Variants in TMTC1 observed in about 807,000 individuals in gnomAD.
The protein encoded by TMTC1 is protein O-mannosyl-transferase TMTC1.
A neutral mutation model predicts 104.8 loss-of-function variants in TMTC1; 73 were observed. The ratio of observed to expected loss-of-function variants is 0.70; its 90% CI spans 0.58 to 0.85. The LOEUF is 0.85. Among genes scored for constraint, TMTC1 ranks in the 40% least tolerant of loss-of-function variants. The pLI is 0.00. For synonymous variants in TMTC1, 434 were observed against 428.7 expected (o/e 1.01, Z -0.15); for missense variants, 1,035 against 1,096.1 (o/e 0.94, Z 0.79).
intron 5 of TMTC1, among the ~76,000 whole-genome samples, chr12:29,656,926 A>G (rs1273188834): frequency 6.6e-6 from 1 of 152,228 alleles, no homozygotes; most frequent in African/African-American, 2.4e-5. Flanking sequence ...TGTTACAGCT[A>G]GGACAGCTGT....
At position 29,502,289 on chromosome 12, in the gene TMTC1, C is replaced by T. The variant is rs914477923; in HGVS notation, c.*4557G>A. ...TTTTGAATGTCATTCCTAATATCCT[C>T]TAAATTTATTATTTTAAGAAGGTGA... is the stretch of plus-strand genomic sequence containing the variant. On this transcript the variant is annotated 3_prime_UTR_variant, in exon 18 of 18. Coordinates refer to ENST00000539277, the MANE Select transcript of TMTC1 (RefSeq NM_001193451.2). 10 of 150,370 alleles carry T rather than the reference C, an allele frequency of 6.7e-5. No homozygotes were observed. The highest frequency in any genetic ancestry group is 1.3e-4 in the Non-Finnish European group (9 of 67,788). The allele number at this position is 150,370 out of a possible 1,614,324, so 9.3% of individuals were successfully genotyped here. A position where few individuals can be genotyped will look rare whatever the true frequency, so the allele number is the denominator to read the frequency against.
chr12:29,766,789 C>T (rs1157351014), intron 2 of TMTC1, among the ~76,000 whole-genome samples: 1 of 152,142 alleles, frequency 6.6e-6, no homozygotes, highest in Non-Finnish European at 1.5e-5. Flanking sequence ...TCTTGTAAAA[C>T]TGTGGTGCCC....
At chr12:29,632,775 T>C (rs1383843718) in intron 6 of TMTC1, among the ~76,000 whole-genome samples, 1 of 152,200 alleles carries the variant, frequency 6.6e-6, no homozygotes, top group Non-Finnish European at 1.5e-5. Flanking sequence ...GTGGGAGAAA[T>C]CATCCAACTA....
chr12:29,640,409 C>G (rs1938782827), intron 5 of TMTC1, among the ~76,000 whole-genome samples: 1 of 152,078 alleles, frequency 6.6e-6, no homozygotes, highest in East Asian at 1.9e-4. Flanking sequence ...CAAGAGGACC[C>G]ACAGACCCTC....
chr12:29,706,140 C>T (rs1486318065), intron 5 of TMTC1, among the ~76,000 whole-genome samples: 3 of 152,124 alleles, frequency 2.0e-5, no homozygotes, highest in Non-Finnish European at 4.4e-5. Context: ...CGGAATTTTA[C>T]CATGCTGCAC....
At chr12:29,617,536 C>G (rs1219128955) in intron 6 of TMTC1, among the ~76,000 whole-genome samples, 4 of 134,942 alleles carry the variant, frequency 3.0e-5, no homozygotes, top group East Asian at 2.1e-4. Context: ...AAACAGACAA[C>G]AGAGAGAGAG....
At chr12:29,573,694 C>T (rs1214050947) in intron 8 of TMTC1, among the ~76,000 whole-genome samples, 1 of 152,020 alleles carries the variant, frequency 6.6e-6, no homozygotes, top group African/African-American at 2.4e-5. Context: ...AGCAGGAGGT[C>T]CTATGCAGAG....
chr12:29,778,629 A>C (rs1015330767), intron 1 of TMTC1, among the ~76,000 whole-genome samples: 1 of 152,264 alleles, frequency 6.6e-6, no homozygotes, highest in Non-Finnish European at 1.5e-5. Flanking sequence ...ATATTCTTGC[A>C]TGCCCTTGGG....
chr12:29,638,659 C>T (rs146840600), intron 5 of TMTC1, among the ~76,000 whole-genome samples: 1 of 152,316 alleles, frequency 6.6e-6, no homozygotes, highest in East Asian at 1.9e-4. Context: ...CAGCTGTAAA[C>T]ACTCAACCCT....
chr12:29,715,613 T>C (rs1378437138), intron 5 of TMTC1, among the ~76,000 whole-genome samples: 1 of 152,210 alleles, frequency 6.6e-6, no homozygotes, highest in Non-Finnish European at 1.5e-5. Context: ...GTAACATTTA[T>C]ATTAGCTTGG....
intron 6 of TMTC1, among the ~76,000 whole-genome samples, chr12:29,613,395 G>C (rs185485680): frequency 3.3e-5 from 5 of 152,320 alleles, no homozygotes; most frequent in Admixed American, 2.6e-4. Flanking sequence ...CTGGGAACCT[G>C]TCTGAGGAGG....
At chr12:29,518,964 C>T (rs1944070775) in intron 12 of TMTC1, among the ~76,000 whole-genome samples, 1 of 152,168 alleles carries the variant, frequency 6.6e-6, no homozygotes, top group African/African-American at 2.4e-5. Flanking sequence ...AACTGGCTCT[C>T]ATTATATAAA....
intron 5 of TMTC1, among the ~76,000 whole-genome samples, chr12:29,665,382 TC>T (rs1027180691): frequency 6.6e-6 from 1 of 152,192 alleles, no homozygotes; most frequent in African/African-American, 2.4e-5. Context: ...AATTCCCTAA[TC>T]TACGCTCCCA....
chr12:29,668,986 A>G (rs1270061740), intron 5 of TMTC1, among the ~76,000 whole-genome samples: 1 of 152,180 alleles, frequency 6.6e-6, no homozygotes, highest in Non-Finnish European at 1.5e-5. Context: ...TCTAAGTGAG[A>G]AAAAATGGTA....
intron 5 of TMTC1, among the ~76,000 whole-genome samples, chr12:29,670,547 C>G (rs1368814027): frequency 6.6e-6 from 1 of 152,182 alleles, no homozygotes; most frequent in Non-Finnish European, 1.5e-5. Flanking sequence ...CCAACAAAAT[C>G]TCTGTCTTTA....
intron 5 of TMTC1, among the ~76,000 whole-genome samples, chr12:29,701,683 C>T (rs575977767): frequency 1.3e-5 from 2 of 152,288 alleles, no homozygotes; most frequent in South Asian, 2.1e-4. Context: ...AAATAGCTTA[C>T]TAAATGCTTT....
intron 8 of TMTC1, among the ~76,000 whole-genome samples, chr12:29,575,571 T>G (rs1945799770): frequency 6.7e-6 from 1 of 149,310 alleles, no homozygotes; most frequent in South Asian, 2.1e-4. Flanking sequence ...GCTGGGAGCT[T>G]GAGGACCTCT....
intron 5 of TMTC1, among the ~76,000 whole-genome samples, chr12:29,643,462 G>A (rs1938973946): frequency 1.2e-4 from 4 of 32,532 alleles, no homozygotes; most frequent in East Asian, 7.3e-4. Context: ...ATATATGATG[G>A]AATATATATA....
At chr12:29,667,756 T>C (rs557107653) in intron 5 of TMTC1, among the ~76,000 whole-genome samples, 3 of 152,328 alleles carry the variant, frequency 2.0e-5, no homozygotes, top group South Asian at 4.1e-4. Flanking sequence ...CTACAACTAA[T>C]AGCAAAAATT....
Sources: gnomAD v4.1 joint callset for allele counts (sites outside exome capture counted in the v4.1 genomes callset) on GRCh38, gnomAD v4.1.1 for gene constraint, MANE v1.5 for transcripts, NCBI Gene and HGNC (gene_info 2026-07-23, HGNC 2026-07-21) for gene names.